PTPRS: variants seen among roughly 807,000 people sequenced by gnomAD.
PTPRS encodes protein tyrosine phosphatase receptor type S.
Under a neutral mutation model 215.3 loss-of-function variants are expected in PTPRS, and 63 were observed. That is an observed-to-expected ratio of 0.29 (90% CI 0.24 to 0.36). PTPRS has a LOEUF of 0.36. Among genes scored for constraint, PTPRS ranks in the 10% least tolerant of loss-of-function variants. The pLI is 1.00. For synonymous variants in PTPRS, 1,404 were observed against 1,191.4 expected, an observed-to-expected ratio of 1.18 and a Z score of -3.68; for missense variants, 2,258 against 2,825.8, an observed-to-expected ratio of 0.80 and a Z score of 4.56.
chr19:5,322,735 C>T (rs1237972057), intron 1 of PTPRS, among the ~76,000 whole-genome samples: 2 of 151,578 alleles, frequency 1.3e-5, no homozygotes, highest in Admixed American at 6.6e-5. Context: ...CAAAATTAGC[C>T]GGGCATGGTG....
chr19:5,210,586 A>C lies in PTPRS; in HGVS notation c.5370T>G (p.Cys1790Trp). The C allele has an allele frequency of 6.2e-7, 1 of 1,614,174 alleles. No homozygotes were observed. Among genetic ancestry groups the C allele is most frequent in the Non-Finnish European group, 8.5e-7 (1 of 1,180,020 alleles). Reference protein sequence around the residue: ...TKLREMGREKCHQYWPAERSA... With the variant: ...TKLREMGREKWHQYWPAERSA... ...AGCGCTCGGCCGGCCAGTACTGGTG[A>C]CACTTCTCCTGTGGAGGAGATGGCG... The change falls in exon 35 of 38, where the codon TGT (cysteine) becomes TGG (tryptophan). Residue 1790 changes from cysteine to tryptophan, a missense_variant. Around this residue, in one of 6 missense-constraint regions of PTPRS, gnomAD observed 927 missense variants for 1,125.9 expected, o/e 0.82. Coordinates refer to ENST00000262963, the MANE Select transcript of PTPRS (RefSeq NM_002850.4). This position sits in a 1 kb window ranked among gnomAD's most constrained non-coding sequence, Gnocchi z 4.5.
chr19:5,223,187 G>A lies in PTPRS; in HGVS notation c.2605C>T (p.Gln869Ter), dbSNP rs781357409. The change falls in exon 18 of 38, where the codon CAG (glutamine) becomes TAG (stop). Residue 869 changes from glutamine to a stop codon, truncating the protein, a stop_gained. Transcript: ENST00000262963. LOFTEE classifies it high-confidence loss of function. Reference sequence around the variant, plus strand: ...GGCGTCGAGTCCTCACGGCCAAACTGCAGGCGGTAGCCCAGCACCTGGTCC... The same window carrying A: ...GGCGTCGAGTCCTCACGGCCAAACTACAGGCGGTAGCCCAGCACCTGGTCC... ...AEDQVLGYRL[Q>*]FGREDSTPLA... 2 of 1,553,610 alleles carry A rather than the reference G, an allele frequency of 1.3e-6. No individual in the cohort carries two copies. The highest frequency in any genetic ancestry group is 1.7e-6 in the Non-Finnish European group (2 of 1,149,984).
intron 1 of PTPRS, among the ~76,000 whole-genome samples, chr19:5,333,524 C>CAG (rs2050396826): frequency 6.6e-6 from 1 of 151,690 alleles, no homozygotes; most frequent in South Asian, 2.1e-4. Flanking sequence ...CACACACACA[C>CAG]ACAATGCGAT....
At chr19:5,217,309 T>C (rs1402281238) in intron 25 of PTPRS, among the ~76,000 whole-genome samples, 1 of 152,162 alleles carries the variant, frequency 6.6e-6, no homozygotes, top group Non-Finnish European at 1.5e-5. Context: ...CTCTGCATGA[T>C]CCCTTCAGGA....
chr19:5,234,907 C>T (rs2043307237), intron 13 of PTPRS, among the ~76,000 whole-genome samples: 1 of 151,990 alleles, frequency 6.6e-6, no homozygotes, highest in African/African-American at 2.4e-5. Context: ...CTACTAAGGG[C>T]CTTACGGAAT....
At chr19:5,285,487 T>C (rs1375927007) in intron 2 of PTPRS, among the ~76,000 whole-genome samples, 1 of 152,198 alleles carries the variant, frequency 6.6e-6, no homozygotes, top group African/African-American at 2.4e-5. Context: ...GGCTTTTCTA[T>C]CGGCGAACTC....
chr19:5,214,701 C>T lies in PTPRS; in HGVS notation c.4354G>A (p.Val1452Met), dbSNP rs192807174. The change falls in exon 29 of 38, where the codon GTG becomes ATG. Residue 1452 changes from valine to methionine, a missense_variant. Coordinates refer to ENST00000262963, the MANE Select transcript of PTPRS (RefSeq NM_002850.4). ...GCGTTCTGACACCGGTAGCCGTCCA[C>T]GTAGTTGGCATTGATGTAATCACTG... ...MGSDYINANY[V>M]DGYRCQNAYI... 24 of 1,612,200 alleles carry T rather than the reference C, an allele frequency of 1.5e-5. No individual in the cohort carries two copies. The highest frequency in any genetic ancestry group is 4.0e-5 in the African/African-American group (3 of 75,068).
intron 1 of PTPRS, among the ~76,000 whole-genome samples, chr19:5,289,054 G>T (rs1264421293): frequency 1.3e-5 from 2 of 152,152 alleles, no homozygotes; most frequent in African/African-American, 4.8e-5. Flanking sequence ...GGAATAGGGT[G>T]GTGGGAGGGG....
intron 1 of PTPRS, chr19:5,292,842 T>C (rs1240796929): frequency 7.4e-6 from 1 of 135,470 alleles, no homozygotes; most frequent in Non-Finnish European, 1.6e-5. Context: ...CCCCGGGAGG[T>C]GGGGGAGGAG....
At position 5,319,605 on chromosome 19, in the gene PTPRS, C is replaced by A. The variant is rs572892245; in HGVS notation, c.-95+21059G>T. Among the ~76,000 whole-genome samples, 351 of 152,048 alleles carry A rather than the reference C, an allele frequency of 2.3e-3. 3 individuals are homozygous for A. Among genetic ancestry groups the A allele is most frequent in the Non-Finnish European group, 3.1e-3 (213 of 67,994 alleles). ...GGCTCAAAGCCCAGGGTTCTCCCTG[C>A]AGCCCACAAGACCCTACATGACCTA... On this transcript the variant is annotated intron_variant, in intron 1 of 37. Coordinates refer to ENST00000262963, the MANE Select transcript of PTPRS (RefSeq NM_002850.4).
At chr19:5,284,145 G>A (rs1472865174) in intron 2 of PTPRS, among the ~76,000 whole-genome samples, 1 of 147,558 alleles carries the variant, frequency 6.8e-6, no homozygotes, top group Non-Finnish European at 1.5e-5. Context: ...AGGATCATGA[G>A]GTCAGGAGAT....
intron 1 of PTPRS, among the ~76,000 whole-genome samples, chr19:5,301,933 AC>A (rs1009968910): frequency 6.6e-6 from 1 of 151,888 alleles, no homozygotes; most frequent in Non-Finnish European, 1.5e-5. Context: ...GGTACATGCC[AC>A]CACACCCAGC....
intron 28 of PTPRS, 145 bp from the exon 29 acceptor site, chr19:5,214,881 C>T: frequency 1.1e-6 from 1 of 907,714 alleles, no homozygotes; most frequent in Non-Finnish European, 1.6e-6. Flanking sequence ...CACAGTTTCT[C>T]CCCCTCAGCG....
At chr19:5,308,882 CG>C (rs2049592765) in intron 1 of PTPRS, among the ~76,000 whole-genome samples, 1 of 152,134 alleles carries the variant, frequency 6.6e-6, no homozygotes, top group South Asian at 2.1e-4. Context: ...TTTGTATGTT[CG>C]TGTGTATATA....
rs1394766359 is a variant in PTPRS, at chr19:5,274,262, A to G, written c.174T>C (p.Gly58=). 6.2e-7 allele frequency: 1 copy of G among 1,613,294 alleles called. No homozygotes were observed. Residue 58 remains glycine, a synonymous_variant, in exon 3 of 38, where the codon GGT becomes GGC. Transcript: ENST00000262963. ...GVASFVCQAT[G]DPKPRVTWNK... is the part of the protein sequence containing the mutation. ...TCCAGGTCACTCGTGGCTTGGGGTC[A>G]CCCGTGGCCTGACACACGAAAGAGG...
At chr19:5,268,245 T>C (rs1355041611) in intron 4 of PTPRS, among the ~76,000 whole-genome samples, 2 of 152,140 alleles carry the variant, frequency 1.3e-5, no homozygotes, top group East Asian at 3.9e-4. Context: ...CATTCGTTTC[T>C]CAGCTTTTCC....
intron 1 of PTPRS, among the ~76,000 whole-genome samples, chr19:5,302,560 A>G (rs1404088828): frequency 6.6e-6 from 1 of 152,210 alleles, no homozygotes; most frequent in African/African-American, 2.4e-5. Context: ...TGCGAACACC[A>G]GCAGCCGGAT....
chr19:5,217,203 C>T (rs1421887938), intron 25 of PTPRS, among the ~76,000 whole-genome samples: 1 of 152,232 alleles, frequency 6.6e-6, no homozygotes, highest in Non-Finnish European at 1.5e-5. Context: ...GTTAAATGCA[C>T]ATGTTGAAAA....
At chr19:5,310,735 TCA>T (rs1376064521) in intron 1 of PTPRS, among the ~76,000 whole-genome samples, 1 of 152,040 alleles carries the variant, frequency 6.6e-6, no homozygotes, top group African/African-American at 2.4e-5. Flanking sequence ...AGGCAGGGTC[TCA>T]CTCTGTCACC....
Sources: gnomAD v4.1 joint callset for allele counts (sites outside exome capture counted in the v4.1 genomes callset) on GRCh38, gnomAD v4.1.1 for gene constraint, gnomAD v4.1.1 regional missense constraint, Gnocchi (gnomAD v3.1) non-coding constraint, MANE v1.5 for transcripts, NCBI Gene and HGNC (gene_info 2026-07-23, HGNC 2026-07-21) for gene names.